ZNF569: variants seen among roughly 807,000 people sequenced by gnomAD.
ZNF569 encodes zinc finger protein 569.
In ZNF569, 38 loss-of-function variants were observed where a neutral mutation model predicts 56.3. The ratio of observed to expected loss-of-function variants is 0.68; its 90% CI spans 0.52 to 0.88. ZNF569 has a LOEUF of 0.88. Ranked by LOEUF, ZNF569 falls within the 40% of genes least tolerant of loss-of-function variation. The pLI is 0.00. For missense variants in ZNF569, 666 were observed against 809.2 expected (o/e 0.82, Z 2.15); for synonymous variants, 241 against 262.9 (o/e 0.92, Z 0.81).
chr19:37,413,054 G>A lies in ZNF569; in HGVS notation c.1604C>T (p.Ala535Val), dbSNP rs369592082. The A allele has an allele frequency of 4.3e-6, 7 of 1,613,886 alleles. No individual in the cohort carries two copies. The highest frequency in any genetic ancestry group is 1.1e-5 in the South Asian group (1 of 91,082). Reference sequence around the variant, plus strand: ...ACTTCTCAAATGAAGGGTAAGGGATGCAATTTGAGAGAAGGCTTTACCACA... The same window carrying A: ...ACTTCTCAAATGAAGGGTAAGGGATACAATTTGAGAGAAGGCTTTACCACA... ...NECGKAFSQIASLTLHLRSHT... is the reference protein window; with the variant it reads ...NECGKAFSQIVSLTLHLRSHT... The change falls in exon 6 of 6, where the codon GCA (alanine) becomes GTA (valine). Residue 535 changes from alanine (A) to valine (V), a missense_variant. Coordinates refer to ENST00000316950, the MANE Select transcript of ZNF569 (RefSeq NM_152484.3).
At chr19:37,443,636 T>C (rs1034858488) in intron 3 of ZNF569, among the ~76,000 whole-genome samples, 3 of 152,088 alleles carry the variant, frequency 2.0e-5, no homozygotes, top group Non-Finnish European at 4.4e-5. Flanking sequence ...CAAATGCCCA[T>C]TGAAAAAGAT....
chr19:37,449,645 CT>C (rs1310425737), intron 2 of ZNF569, among the ~76,000 whole-genome samples: 42 of 148,780 alleles, frequency 2.8e-4, no homozygotes, highest in African/African-American at 9.8e-4. Flanking sequence ...AAGTTGCTTC[CT>C]CTTTTTTTTT....
intron 2 of ZNF569, among the ~76,000 whole-genome samples, chr19:37,455,851 C>T (rs1296725551): frequency 2.6e-5 from 4 of 152,176 alleles, no homozygotes; most frequent in Admixed American, 6.5e-5. Context: ...AGGGCACCCA[C>T]TGATGGCTGG....
At chr19:37,430,693 G>A (rs937290291) in intron 3 of ZNF569, among the ~76,000 whole-genome samples, 2 of 152,120 alleles carry the variant, frequency 1.3e-5, no homozygotes, top group African/African-American at 4.8e-5. Flanking sequence ...ACACAAAAAA[G>A]CACCTTCATC....
At chr19:37,448,021 C>G (rs1011165416) in intron 2 of ZNF569, among the ~76,000 whole-genome samples, 1 of 152,148 alleles carries the variant, frequency 6.6e-6, no homozygotes, top group Non-Finnish European at 1.5e-5. Context: ...GTTTCTAACT[C>G]CATGAGGAAT....
intron 3 of ZNF569, among the ~76,000 whole-genome samples, chr19:37,435,416 A>C (rs2041293682): frequency 6.6e-6 from 1 of 152,228 alleles, no homozygotes; most frequent in African/African-American, 2.4e-5. Context: ...AAGGAGGAAA[A>C]GAAGACCACA....
intron 2 of ZNF569, among the ~76,000 whole-genome samples, chr19:37,463,812 A>G (rs2041791011): frequency 6.6e-6 from 1 of 152,190 alleles, no homozygotes; most frequent in African/African-American, 2.4e-5. Context: ...GACCCTGTGT[A>G]AGCCTAGGCT....
chr19:37,411,518 T>C lies in ZNF569; in HGVS notation c.*1079A>G, dbSNP rs935047669. 1 of 152,182 alleles carries C rather than the reference T, an allele frequency of 6.6e-6. No homozygotes were observed. Among genetic ancestry groups the C allele is most frequent in the Non-Finnish European group, 1.5e-5 (1 of 68,000 alleles). 9.4% of individuals were successfully genotyped at this position (152,182 alleles called of 1,614,324 possible). ...ACCATGATTCAGGAACACAGTGATA[T>C]ATATCTCTTTGTGTACATTTGTGGG... is the stretch of plus-strand genomic sequence containing the variant. On this transcript the variant is annotated 3_prime_UTR_variant, in exon 6 of 6. Transcript: ENST00000316950.
chr19:37,436,440 A>G (rs1296882317), intron 3 of ZNF569, among the ~76,000 whole-genome samples: 1 of 151,976 alleles, frequency 6.6e-6, no homozygotes, highest in African/African-American at 2.4e-5. Flanking sequence ...ACTAGAAAAG[A>G]GCAAACCAAA....
At chr19:37,426,440 A>C in intron 3 of ZNF569, 62 bp from the exon 4 acceptor site, 1 of 1,490,242 alleles carries the variant, frequency 6.7e-7, no homozygotes, top group East Asian at 2.3e-5. Context: ...TAAACAAAAT[A>C]TATTGAACCT....
intron 2 of ZNF569, among the ~76,000 whole-genome samples, chr19:37,448,847 G>T (rs1219166653): frequency 6.6e-6 from 1 of 152,030 alleles, no homozygotes; most frequent in Non-Finnish European, 1.5e-5. Context: ...TCCGGCCTAT[G>T]CTGTAATCTT....
chr19:37,428,545 A>C (rs931788109), intron 3 of ZNF569, among the ~76,000 whole-genome samples: 2 of 150,086 alleles, frequency 1.3e-5, no homozygotes, highest in African/African-American at 4.9e-5. Flanking sequence ...AAAAAAAAAA[A>C]GCTGATAGTT....
chr19:37,446,823 C>T (rs1600333236), intron 2 of ZNF569, among the ~76,000 whole-genome samples: 1 of 151,898 alleles, frequency 6.6e-6, no homozygotes, highest in Non-Finnish European at 1.5e-5. Context: ...AGTAAACAAC[C>T]CACAGAATGG....
At chr19:37,424,540 G>A (rs889657446) in intron 5 of ZNF569, among the ~76,000 whole-genome samples, 46 of 152,076 alleles carry the variant, frequency 3.0e-4, no homozygotes, top group African/African-American at 1.0e-3. Context: ...CAGGCCAGGC[G>A]CGGTGGCTCA....
intron 3 of ZNF569, among the ~76,000 whole-genome samples, chr19:37,443,405 T>G (rs183166895): frequency 8.3e-4 from 126 of 152,184 alleles, no homozygotes; most frequent in East Asian, 7.5e-3. Context: ...GAGCAAAGCT[T>G]TGAGCTGAGG....
chr19:37,443,417 T>C (rs1427692744), intron 3 of ZNF569, among the ~76,000 whole-genome samples: 3 of 151,862 alleles, frequency 2.0e-5, no homozygotes, highest in African/African-American at 7.3e-5. Context: ...GAGCTGAGGG[T>C]AAAAAGTAAA....
At chr19:37,437,858 G>A (rs916995310) in intron 3 of ZNF569, among the ~76,000 whole-genome samples, 1 of 123,126 alleles carries the variant, frequency 8.1e-6, no homozygotes, top group Non-Finnish European at 2.0e-5. Flanking sequence ...CCATGCTCAT[G>A]GGTTGGAAGG....
intron 5 of ZNF569, among the ~76,000 whole-genome samples, chr19:37,418,358 A>G (rs1409523902): frequency 1.3e-5 from 2 of 152,136 alleles, no homozygotes; most frequent in African/African-American, 2.4e-5. Context: ...GAGGTTAAAT[A>G]TGGTATAATA....
At chr19:37,423,950 T>C (rs73631044) in intron 5 of ZNF569, among the ~76,000 whole-genome samples, 2,601 of 152,290 alleles carry the variant, frequency 0.017, 70 homozygotes, top group African/African-American at 0.059. Flanking sequence ...AAAATGACTT[T>C]ATAAAATTCA....
Sources: gnomAD v4.1 joint callset for allele counts (sites outside exome capture counted in the v4.1 genomes callset) on GRCh38, gnomAD v4.1.1 for gene constraint, MANE v1.5 for transcripts, NCBI Gene and HGNC (gene_info 2026-07-23, HGNC 2026-07-21) for gene names.